Variants in DENND1A observed in about 807,000 individuals in gnomAD.
The protein encoded by DENND1A is DENN domain containing 1A, also known as DENN domain-containing protein 1A.
DENND1A carries 51 observed loss-of-function variants against 113.7 expected under a neutral mutation model. That is an observed-to-expected ratio of 0.45 (90% confidence interval 0.36 to 0.57). The LOEUF is 0.57. DENND1A is among the 20% of genes least tolerant of loss of function. DENND1A has a pLI of 0.00. For synonymous variants in DENND1A, 565 were observed against 570.8 expected, an observed-to-expected ratio of 0.99 and a Z score of 0.14; for missense variants, 1,258 against 1,395.9, an observed-to-expected ratio of 0.90 and a Z score of 1.57.
intron 5 of DENND1A, among the ~76,000 whole-genome samples, chr9:123,707,707 A>G (rs532624765): frequency 6.6e-6 from 1 of 152,170 alleles, no homozygotes; most frequent in Non-Finnish European, 1.5e-5. Context: ...GATTGGAATG[A>G]CTTCAGTGGA....
At chr9:123,458,423 T>A (rs1000902060) in intron 13 of DENND1A, among the ~76,000 whole-genome samples, 1 of 152,192 alleles carries the variant, frequency 6.6e-6, no homozygotes, top group Non-Finnish European at 1.5e-5. Context: ...GTAGCTATTA[T>A]CAAGAAATTC....
chr9:123,475,003 G>T (rs1015643267), intron 13 of DENND1A, among the ~76,000 whole-genome samples: 1 of 151,634 alleles, frequency 6.6e-6, no homozygotes, highest in Non-Finnish European at 1.5e-5. Flanking sequence ...TTGTCACACC[G>T]CTGTGTGGGT....
intron 2 of DENND1A, among the ~76,000 whole-genome samples, chr9:123,806,113 C>T (rs766818013): frequency 6.6e-6 from 1 of 151,850 alleles, no homozygotes; most frequent in Non-Finnish European, 1.5e-5. Flanking sequence ...GCCACCATGC[C>T]TGGCTAATTT....
chr9:123,639,325 GC>G (rs1401084368), intron 9 of DENND1A, among the ~76,000 whole-genome samples: 1 of 151,670 alleles, frequency 6.6e-6, no homozygotes, highest in African/African-American at 2.4e-5. Context: ...TGTAGTCCCA[GC>G]TACTTGGGAG....
At chr9:123,455,937 T>C (rs2048084917) in intron 15 of DENND1A, among the ~76,000 whole-genome samples, 1 of 152,204 alleles carries the variant, frequency 6.6e-6, no homozygotes, top group South Asian at 2.1e-4. Context: ...CTCCTTTTCC[T>C]GAATTGGTTT....
chr9:123,688,590 G>C (rs1239274721), intron 5 of DENND1A, among the ~76,000 whole-genome samples: 1 of 152,150 alleles, frequency 6.6e-6, no homozygotes, highest in Non-Finnish European at 1.5e-5. Context: ...CCTGAAAAGA[G>C]GTATGATGCG....
At chr9:123,650,390 T>C (rs1266488195) in intron 9 of DENND1A, among the ~76,000 whole-genome samples, 1 of 152,202 alleles carries the variant, frequency 6.6e-6, no homozygotes, top group Non-Finnish European at 1.5e-5. Flanking sequence ...GTGCCTTTTA[T>C]TCATAAGTAA....
At chr9:123,435,773 C>T (rs560551637) in intron 19 of DENND1A, among the ~76,000 whole-genome samples, 1 of 152,344 alleles carries the variant, frequency 6.6e-6, no homozygotes, top group African/African-American at 2.4e-5. Context: ...GGGAGAGCTG[C>T]ACACAGCCAA....
In DENND1A at chr9:123,416,359, A is replaced by G. The variant is rs543986510; in HGVS notation, c.1489-4530T>C. On this transcript the variant is annotated intron_variant, in intron 19 of 23. Transcript: ENST00000394215. The stretch of plus-strand genomic sequence containing the variant: ...TCAACACCCCCAGCTGGTAATGGGC[A>G]GAGCTGGGAGTGTTGGTTGTCATCG... Among the ~76,000 whole-genome samples the G allele has an allele frequency of 7.2e-5, 11 of 152,334 alleles. No individual in the cohort carries two copies. The East Asian group carries it at 2.1e-3, about 29-fold the overall frequency.
At position 123,466,845 on chromosome 9, in the gene DENND1A, G is replaced by A. The variant is rs557379340; in HGVS notation, c.994-8948C>T. ...AGCCCAGGAGTTTGAGACCAGCCTGGGCAACACAGAGAGACCCCGTCTAGA... is the reference window on the plus strand; with the variant it reads ...AGCCCAGGAGTTTGAGACCAGCCTGAGCAACACAGAGAGACCCCGTCTAGA... On this transcript the variant is annotated intron_variant, in intron 13 of 23. Coordinates refer to ENST00000394215, the MANE Select transcript of DENND1A (RefSeq NM_001352964.2). Among the ~76,000 whole-genome samples the A allele has an allele frequency of 2.0e-5, 3 of 150,738 alleles. No homozygotes were observed. In the East Asian group the frequency reaches 5.9e-4, roughly 30 times the overall value.
intron 5 of DENND1A, among the ~76,000 whole-genome samples, chr9:123,686,964 A>G (rs1298543344): frequency 6.6e-6 from 1 of 152,136 alleles, no homozygotes; most frequent in East Asian, 1.9e-4. Context: ...TCTCTCTATA[A>G]AAGTGTCTGG....
chr9:123,851,539 A>G (rs1347342449), intron 2 of DENND1A, among the ~76,000 whole-genome samples: 1 of 152,166 alleles, frequency 6.6e-6, no homozygotes. Context: ...TCTTTGCAAG[A>G]CCTCCAAAAG....
intron 11 of DENND1A, among the ~76,000 whole-genome samples, chr9:123,604,355 G>A (rs1018431738): frequency 6.6e-6 from 1 of 152,152 alleles, no homozygotes; most frequent in African/African-American, 2.4e-5. Context: ...AGAGCCTACA[G>A]CATCCCAAAT....
intron 10 of DENND1A, among the ~76,000 whole-genome samples, chr9:123,629,002 T>A (rs748813308): frequency 4.5e-4 from 68 of 152,332 alleles, no homozygotes; most frequent in Non-Finnish European, 7.4e-4. Flanking sequence ...CTGAGTTATG[T>A]CCTTGTTATC....
chr9:123,871,590 T>C (rs1846616936), intron 2 of DENND1A, among the ~76,000 whole-genome samples: 1 of 152,250 alleles, frequency 6.6e-6, no homozygotes, highest in South Asian at 2.1e-4. Context: ...TATAGAAATG[T>C]GTATAGTTAG....
chr9:123,847,431 C>G (rs746158494), intron 2 of DENND1A, among the ~76,000 whole-genome samples: 2 of 151,584 alleles, frequency 1.3e-5, no homozygotes, highest in African/African-American at 4.9e-5. Flanking sequence ...AACTAGAAAA[C>G]AAGACACAAA....
At chr9:123,392,631 CA>C (rs2042918152) in intron 21 of DENND1A, among the ~76,000 whole-genome samples, 1 of 152,156 alleles carries the variant, frequency 6.6e-6, no homozygotes, top group Non-Finnish European at 1.5e-5. Context: ...TTGGAAAAGT[CA>C]CTTCATCTCC....
intron 11 of DENND1A, among the ~76,000 whole-genome samples, chr9:123,607,440 A>T (rs2060204046): frequency 7.4e-6 from 1 of 134,654 alleles, no homozygotes; most frequent in South Asian, 3.0e-4. Context: ...GGAACAGTGG[A>T]AGGGGAGTGG....
At chr9:123,474,995 G>A (rs950032904) in intron 13 of DENND1A, among the ~76,000 whole-genome samples, 1 of 152,004 alleles carries the variant, frequency 6.6e-6, no homozygotes, top group Non-Finnish European at 1.5e-5. Flanking sequence ...GACCTACTTT[G>A]TCACACCGCT....
Sources: allele counts gnomAD v4.1 joint callset (sites outside exome capture counted in the v4.1 genomes callset), GRCh38; gene constraint gnomAD v4.1.1; transcripts MANE v1.5; gene names NCBI Gene and HGNC (gene_info 2026-07-23, HGNC 2026-07-21).